FREM1: variants seen among roughly 807,000 people sequenced by gnomAD.
The protein encoded by FREM1 is FRAS1 related extracellular matrix 1.
In FREM1, 220 loss-of-function variants were observed where a neutral mutation model predicts 210.1. The ratio of observed to expected loss-of-function variants is 1.05; its 90% CI spans 0.94 to 1.17. The LOEUF (loss-of-function observed/expected upper bound fraction) is 1.17. Among genes scored for constraint, FREM1 ranks in the 50% most tolerant of loss-of-function variants. The pLI is 0.00. For missense variants in FREM1, 3,454 were observed against 2,675.5 expected (o/e 1.29, Z -6.42); for synonymous variants, 1,189 against 980.2 (o/e 1.21, Z -3.98).
At chr9:14,790,561 CTT>C (rs1314635916) in intron 22 of FREM1, 2 of 152,290 alleles carry the variant, frequency 1.3e-5, no homozygotes, top group African/African-American at 4.8e-5. Flanking sequence ...TTTCCTCTCT[CTT>C]GTCTCCATGT....
chr9:14,791,967 A>G (rs1470961286), intron 22 of FREM1, among the ~76,000 whole-genome samples: 1 of 151,904 alleles, frequency 6.6e-6, no homozygotes, highest in African/African-American at 2.4e-5. Flanking sequence ...CCTGCAGAGT[A>G]ATGAGTAGCT....
At chr9:14,765,415 T>C (rs1846218041) in intron 27 of FREM1, among the ~76,000 whole-genome samples, 1 of 152,198 alleles carries the variant, frequency 6.6e-6, no homozygotes, top group Non-Finnish European at 1.5e-5. Flanking sequence ...GGGCCTCGGT[T>C]TTCATTATCT....
In FREM1 at chr9:14,868,882, C is replaced by T. The variant is rs1401748840; in HGVS notation, c.96G>A (p.Val32=). ...SPTFISINRG[V]RVMKGHSAFL... is the part of the protein sequence containing the mutation. Reference sequence around the variant, plus strand: ...AGGCAGAGTGGCCCTTCATCACCCTCACCCCGCGGTTGATGCTGATGAAGG... The same window carrying T: ...AGGCAGAGTGGCCCTTCATCACCCTTACCCCGCGGTTGATGCTGATGAAGG... The change falls in exon 2 of 37, where the codon GTG becomes GTA. Residue 32 remains valine (V), a synonymous_variant. Coordinates refer to ENST00000380880, the MANE Select transcript of FREM1 (RefSeq NM_001379081.2). The T allele has an allele frequency of 1.2e-6, 2 of 1,607,550 alleles. No homozygotes were observed. The highest frequency in any genetic ancestry group is 2.2e-5 in the East Asian group (1 of 44,738).
chr9:14,790,901 C>G (rs1851189131), intron 22 of FREM1: 1 of 152,226 alleles, frequency 6.6e-6, no homozygotes, highest in Non-Finnish European at 1.5e-5. Context: ...CTTCATTACT[C>G]TTTGAAATGA....
At chr9:14,749,932 T>A (rs1444273153) in intron 30 of FREM1, among the ~76,000 whole-genome samples, 195 bp downstream of exon 30, 1 of 152,176 alleles carries the variant, frequency 6.6e-6, no homozygotes, top group Non-Finnish European at 1.5e-5. Context: ...TTTTCTCAAG[T>A]GATCGTACTT....
intron 10 of FREM1, among the ~76,000 whole-genome samples, chr9:14,826,158 T>C (rs1822419353): frequency 6.7e-6 from 1 of 148,334 alleles, no homozygotes; most frequent in South Asian, 2.1e-4. Context: ...AGTGGTGCGA[T>C]CTCAGCTCAC....
chr9:14,848,591 T>G, intron 7 of FREM1, 74 bp downstream of exon 7: 1 of 803,790 alleles, frequency 1.2e-6, no homozygotes, highest in Non-Finnish European at 2.0e-6. Flanking sequence ...AAAACTACCT[T>G]TCTTTCCTGA....
At chr9:14,813,168 T>G in intron 15 of FREM1, 104 bp from the exon 16 acceptor site, 1 of 1,225,100 alleles carries the variant, frequency 8.2e-7, no homozygotes, top group African/African-American at 1.5e-5. Flanking sequence ...ATTTTCATCT[T>G]ACAGACACAT....
chr9:14,815,756 T>A (rs527526760), intron 15 of FREM1, among the ~76,000 whole-genome samples: 1 of 152,144 alleles, frequency 6.6e-6, no homozygotes, highest in Non-Finnish European at 1.5e-5. Flanking sequence ...CAAGCGATTC[T>A]CCTGCCTCAG....
chr9:14,775,231 T>G (rs902819126), intron 25 of FREM1, among the ~76,000 whole-genome samples: 1 of 152,130 alleles, frequency 6.6e-6, no homozygotes, highest in Non-Finnish European at 1.5e-5. Context: ...AAGCAGAAAT[T>G]CAAAGCTAGG....
intron 1 of FREM1, among the ~76,000 whole-genome samples, chr9:14,876,119 G>A (rs763507929): frequency 6.6e-6 from 1 of 152,102 alleles, no homozygotes; most frequent in South Asian, 2.1e-4. Flanking sequence ...CTGCTCGGGG[G>A]TCAGGGGTCA....
chr9:14,811,281 C>T (rs7847136), intron 16 of FREM1, among the ~76,000 whole-genome samples: 130,149 of 152,196 alleles, frequency 0.86, 56,011 homozygotes, highest in East Asian at 0.97. Context: ...TCTATGGCTG[C>T]TACACTACAG....
rs555926602 is a variant in FREM1, at chr9:14,881,928, G to A, written c.-267-12684C>T. Among the ~76,000 whole-genome samples the A allele has an allele frequency of 2.0e-5, 3 of 152,242 alleles. No individual in the cohort carries two copies. The South Asian group carries it at 6.2e-4, about 32-fold the overall frequency. The stretch of plus-strand genomic sequence containing the variant: ...CTTCCCTCCATCTTGTTGCCAAGAT[G>A]GAAGGTGCTGCCTTGCACATGAAAA... On this transcript the variant is annotated intron_variant, in intron 1 of 36. Transcript: ENST00000380880.
chr9:14,830,391 G>C (rs533868505), intron 10 of FREM1, among the ~76,000 whole-genome samples: 9 of 152,268 alleles, frequency 5.9e-5, no homozygotes, highest in African/African-American at 1.9e-4. Flanking sequence ...CAATTGATTT[G>C]AGCACTAGTT....
intron 27 of FREM1, among the ~76,000 whole-genome samples, chr9:14,760,449 T>C (rs959268458): frequency 6.6e-6 from 1 of 152,188 alleles, no homozygotes; most frequent in African/African-American, 2.4e-5. Flanking sequence ...TTTGTTTCTC[T>C]TTCTGTGCAT....
intron 1 of FREM1, among the ~76,000 whole-genome samples, chr9:14,871,399 T>C (rs1417683400): frequency 1.3e-5 from 2 of 152,246 alleles, no homozygotes; most frequent in African/African-American, 4.8e-5. Flanking sequence ...ATTTCTCCGA[T>C]GGCCAGTGAT....
Position 14,748,463 on chromosome 9 carries a change from G to A in FREM1, c.5734C>T (p.Arg1912Trp), listed in dbSNP as rs747877946. The A allele has an allele frequency of 3.3e-5, 53 of 1,613,536 alleles. No homozygotes were observed. Among genetic ancestry groups the A allele is most frequent in the East Asian group, 6.7e-5 (3 of 44,886 alleles). Residue 1912 changes from arginine to tryptophan, a missense_variant, in exon 31 of 37, where the codon CGG (arginine) becomes TGG (tryptophan). By Grantham distance (101) the Arg-to-Trp change is moderately radical. Transcript: ENST00000380880. ...QLAVIRGDTL[R>W]GFDSTDLSQR... ...GAAAGATCTGTAGAATCAAAGCCCCGCAGGGTGTCTCCCCTGATGACTGCT... is the reference window on the plus strand; with the variant it reads ...GAAAGATCTGTAGAATCAAAGCCCCACAGGGTGTCTCCCCTGATGACTGCT...
Position 14,841,601 on chromosome 9 carries a change from A to G in FREM1, c.1739-12T>C, listed in dbSNP as rs780342789. On this transcript the variant is annotated splice_polypyrimidine_tract_variant and intron_variant, in intron 9 of 36. Coordinates refer to ENST00000380880, the MANE Select transcript of FREM1 (RefSeq NM_001379081.2). ...ATGGACAGGATAGCCTATTGGGTCC[A>G]TAAAACACCACATACTTTTGTACAA... is the stretch of plus-strand genomic sequence containing the variant. The G allele has an allele frequency of 6.4e-7, 1 of 1,565,220 alleles. No homozygotes were observed. Among genetic ancestry groups the G allele is most frequent in the East Asian group, 2.3e-5 (1 of 44,082 alleles).
chr9:14,874,043 T>C (rs1226481276), intron 1 of FREM1, among the ~76,000 whole-genome samples: 2 of 152,232 alleles, frequency 1.3e-5, no homozygotes, highest in Non-Finnish European at 1.5e-5. Context: ...CAGTTTGTTA[T>C]CATCTCTGTT....
Sources: allele counts gnomAD v4.1 joint callset (sites outside exome capture counted in the v4.1 genomes callset), GRCh38; gene constraint gnomAD v4.1.1; transcripts MANE v1.5; gene names NCBI Gene and HGNC (gene_info 2026-07-23, HGNC 2026-07-21).